Variants in MSI2 observed in about 807,000 individuals in gnomAD.
MSI2 encodes the protein RNA-binding protein Musashi homolog 2.
In MSI2, 17 loss-of-function variants were observed where a neutral mutation model predicts 45.6. That is an observed-to-expected ratio of 0.37 (90% CI 0.26 to 0.56). The LOEUF is 0.56. Ranked by LOEUF, MSI2 falls within the 20% of genes least tolerant of loss-of-function variation. The pLI is 0.77. For synonymous variants in MSI2, 156 were observed against 158.2 expected, an observed-to-expected ratio of 0.99 and a Z score of 0.11; for missense variants, 293 against 444.2, an observed-to-expected ratio of 0.66 and a Z score of 3.06.
chr17:57,561,217 G>A (rs1363760773), intron 7 of MSI2, among the ~76,000 whole-genome samples: 5 of 152,162 alleles, frequency 3.3e-5, no homozygotes, highest in African/African-American at 4.8e-5. Flanking sequence ...GAGAGATGGC[G>A]GTGTGGGTGG....
intron 7 of MSI2, among the ~76,000 whole-genome samples, chr17:57,542,738 C>T (rs2087077407): frequency 6.6e-6 from 1 of 152,206 alleles, no homozygotes; most frequent in African/African-American, 2.4e-5. Context: ...GCACTGCTGA[C>T]TTGGACCAGG....
At chr17:57,556,966 G>T (rs970243265) in intron 7 of MSI2, among the ~76,000 whole-genome samples, 3 of 152,160 alleles carry the variant, frequency 2.0e-5, no homozygotes, top group Admixed American at 6.5e-5. Flanking sequence ...GAAGCACCGG[G>T]TGTGGGATCT....
intron 6 of MSI2, chr17:57,449,219 G>T (rs1225763263): frequency 6.6e-6 from 1 of 152,222 alleles, no homozygotes; most frequent in Non-Finnish European, 1.5e-5. Flanking sequence ...CCTCCTTGAG[G>T]CTTGGGTGAG....
intron 5 of MSI2, among the ~76,000 whole-genome samples, chr17:57,310,051 G>A (rs1317131611): frequency 3.9e-5 from 6 of 152,310 alleles, no homozygotes; most frequent in East Asian, 3.9e-4. Context: ...GTTCAGACCC[G>A]GCTGGCCTGG....
the MSI2 span, among the ~76,000 whole-genome samples, chr17:57,691,219 C>G: frequency 6.6e-6 from 1 of 151,572 alleles, no homozygotes; most frequent in Non-Finnish European, 1.5e-5. Flanking sequence ...ATCTATCTAT[C>G]TATCTATCTA....
chr17:57,274,530 GA>G (rs1908678940), intron 5 of MSI2: 1 of 152,232 alleles, frequency 6.6e-6, no homozygotes, highest in Non-Finnish European at 1.5e-5. Flanking sequence ...TGTTAGAAAG[GA>G]GCACGTCCTG....
At chr17:57,485,140 AT>A (rs2085727217) in intron 6 of MSI2, among the ~76,000 whole-genome samples, 1 of 152,180 alleles carries the variant, frequency 6.6e-6, no homozygotes, top group South Asian at 2.1e-4. Flanking sequence ...TTTGTTTCCC[AT>A]TTAAGAACAG....
rs115896154 is a variant in MSI2 at position 57,566,612 on chromosome 17, C to A, written c.455-30256C>A. On this transcript the variant is annotated intron_variant, in intron 7 of 13. Transcript: ENST00000284073. ...CAGAGTGAGGTATCATTTCAAGACACAGAATATAGCGCAGCATTGCTTTCT... is the reference window on the plus strand; with the variant it reads ...CAGAGTGAGGTATCATTTCAAGACAAAGAATATAGCGCAGCATTGCTTTCT... Among the ~76,000 whole-genome samples, 598 of 152,234 alleles carry A rather than the reference C, an allele frequency of 3.9e-3. 6 individuals carry two copies. Among genetic ancestry groups the A allele is most frequent in the African/African-American group, 0.014 (578 of 41,536 alleles).
chr17:57,601,429 C>T (rs1343832507), intron 8 of MSI2: 1 of 152,286 alleles, frequency 6.6e-6, no homozygotes, highest in Non-Finnish European at 1.5e-5. Flanking sequence ...TCCTCCCTGG[C>T]CACTCTGTGT....
the MSI2 span, among the ~76,000 whole-genome samples, chr17:57,692,331 A>G: frequency 6.6e-6 from 1 of 152,178 alleles, no homozygotes; most frequent in Non-Finnish European, 1.5e-5. Flanking sequence ...CAGAATAGTG[A>G]TGGCCACATA....
chr17:57,422,548 G>A (rs11654639), intron 6 of MSI2, among the ~76,000 whole-genome samples: 16,275 of 152,250 alleles, frequency 0.11, 1,124 homozygotes, highest in Non-Finnish European at 0.16. Context: ...ATGAGGGTCC[G>A]GGACAGGAAA....
At chr17:57,401,584 C>G (rs1043043587) in intron 6 of MSI2, 113 bp downstream of exon 6, 27 of 761,380 alleles carry the variant, frequency 3.5e-5, no homozygotes, top group Admixed American at 9.1e-5. Context: ...GAACCTTGTC[C>G]TTGAACCTGG....
chr17:57,583,779 A>G, intron 7 of MSI2, among the ~76,000 whole-genome samples: 1 of 152,048 alleles, frequency 6.6e-6, no homozygotes, highest in East Asian at 1.9e-4. Flanking sequence ...CAACCTCCCA[A>G]AGTTTCTTAA....
At position 57,681,556 on chromosome 17, in the gene MSI2, G is replaced by A. The variant is rs1420387375; in HGVS notation, c.*2039G>A. On this transcript the variant is annotated 3_prime_UTR_variant, in exon 14 of 14. Transcript: ENST00000284073. ...AGGGCAAAAGCATCTTCAAACTAAA[G>A]ACTCCAAAATGCTAACTCAGAAAGA... The A allele has an allele frequency of 5.5e-6, 1 of 181,884 alleles. No homozygotes were observed. Among genetic ancestry groups the A allele is most frequent in the Non-Finnish European group, 1.2e-5 (1 of 85,624 alleles). 11.3% of individuals were successfully genotyped at this position (181,884 alleles called of 1,614,324 possible).
At chr17:57,632,429 C>A in intron 10 of MSI2, 6 of 1,066,120 alleles carry the variant, frequency 5.6e-6, no homozygotes, top group Non-Finnish European at 6.8e-6. Context: ...ACAAGCCTGT[C>A]TGTCTTCGAG....
intron 5 of MSI2, among the ~76,000 whole-genome samples, chr17:57,314,632 C>T (rs1912698467): frequency 7.2e-6 from 1 of 139,386 alleles, no homozygotes; most frequent in South Asian, 2.3e-4. Flanking sequence ...AGTGCAGTGG[C>T]GCGATCTCGG....
At chr17:57,445,825 C>T (rs2084889567) in intron 6 of MSI2, among the ~76,000 whole-genome samples, 1 of 152,148 alleles carries the variant, frequency 6.6e-6, no homozygotes, top group Non-Finnish European at 1.5e-5. Flanking sequence ...TCCTGGGCTT[C>T]CTTCAGCAGA....
At chr17:57,323,033 G>A (rs978064452) in intron 5 of MSI2, among the ~76,000 whole-genome samples, 1 of 152,048 alleles carries the variant, frequency 6.6e-6, no homozygotes, top group Admixed American at 6.6e-5. Flanking sequence ...GAGAGGGACT[G>A]TGTTGGTCGT....
Position 57,584,400 on chromosome 17 carries a change from C to T in MSI2, c.455-12468C>T, listed in dbSNP as rs566719734. Among the ~76,000 whole-genome samples the T allele has an allele frequency of 2.0e-4, 30 of 152,320 alleles. 1 individual carries two copies. The highest frequency in any genetic ancestry group is 1.4e-3 in the Admixed American group (21 of 15,310). On this transcript the variant is annotated intron_variant, in intron 7 of 13. Coordinates refer to ENST00000284073, the MANE Select transcript of MSI2 (RefSeq NM_138962.4). ...ATCAGAGGCACCCGATGGTCATCTG[C>T]CTGCCCGCAGACTCCAGGCAGGTTT...
Sources: allele counts gnomAD v4.1 joint callset (sites outside exome capture counted in the v4.1 genomes callset), GRCh38; gene constraint gnomAD v4.1.1; transcripts MANE v1.5; gene names NCBI Gene and HGNC (gene_info 2026-07-23, HGNC 2026-07-21).